SPAG16: variants seen among roughly 807,000 people sequenced by gnomAD.
SPAG16 encodes sperm-associated antigen 16 protein.
A neutral mutation model predicts 80.4 loss-of-function variants in SPAG16; 86 were observed. The observed-to-expected ratio is 1.07, with a 90% confidence interval of 0.90 to 1.28. The LOEUF is 1.28. Among genes scored for constraint, SPAG16 ranks in the 50% most tolerant of loss-of-function variants. The probability of loss-of-function intolerance (pLI) is 0.00; values close to 1 mark genes in which losing one functional copy is unlikely to be tolerated. For missense variants in SPAG16, 870 were observed against 765.3 expected, an observed-to-expected ratio of 1.14 and a Z score of -1.61; for synonymous variants, 294 against 265.9, an observed-to-expected ratio of 1.11 and a Z score of -1.03.
intron 10 of SPAG16, among the ~76,000 whole-genome samples, chr2:213,785,589 T>A (rs2070287336): frequency 6.6e-6 from 1 of 152,216 alleles, no homozygotes; most frequent in Non-Finnish European, 1.5e-5. Flanking sequence ...AACTAGTGAT[T>A]TATAAGGTAT....
At chr2:213,902,393 G>A (rs1049213995) in intron 11 of SPAG16, among the ~76,000 whole-genome samples, 1 of 152,194 alleles carries the variant, frequency 6.6e-6, no homozygotes, top group Non-Finnish European at 1.5e-5. Context: ...GGCTGAGGAG[G>A]CCTCAGAATC....
chr2:213,670,182 G>A (rs2063765303), intron 10 of SPAG16, among the ~76,000 whole-genome samples: 1 of 151,820 alleles, frequency 6.6e-6, no homozygotes, highest in Non-Finnish European at 1.5e-5. Context: ...ATTTTTAGTA[G>A]AGATGGGATT....
chr2:213,288,374 G>A (rs568042068), intron 1 of SPAG16, among the ~76,000 whole-genome samples: 41 of 152,064 alleles, frequency 2.7e-4, no homozygotes, highest in African/African-American at 9.9e-4. Flanking sequence ...GCACGATCTC[G>A]GCTCACTGCA....
chr2:213,705,917 A>G (rs992347276), intron 10 of SPAG16, among the ~76,000 whole-genome samples: 1 of 152,166 alleles, frequency 6.6e-6, no homozygotes, highest in Non-Finnish European at 1.5e-5. Flanking sequence ...CAAATTCCAT[A>G]CGCTTTGGTA....
At chr2:213,651,984 G>T (rs187905978) in intron 10 of SPAG16, among the ~76,000 whole-genome samples, 277 of 152,238 alleles carry the variant, frequency 1.8e-3, no homozygotes, top group Admixed American at 5.8e-3. Flanking sequence ...TTACGTGCAT[G>T]TAATGTACTT....
At chr2:214,076,545 G>GTGTGTGTGTC (rs1553710467) in intron 13 of SPAG16, among the ~76,000 whole-genome samples, 16 of 113,588 alleles carry the variant, frequency 1.4e-4, no homozygotes, top group East Asian at 6.6e-4. Flanking sequence ...GTGTGTGTCT[G>GTGTGTGTGTC]TGTGTGTGTG....
rs548242037 is a variant in SPAG16 at position 213,541,858 on chromosome 2, A to AT, written c.1070+51771dup. On this transcript the variant is annotated intron_variant, in intron 10 of 15. Coordinates refer to ENST00000331683, the MANE Select transcript of SPAG16 (RefSeq NM_024532.5). The stretch of plus-strand genomic sequence containing the variant: ...CAGTTGAGAAATTGTTTTTTCCATA[A>AT]TTTAAGTCCTACCCACTGAGTTCTT... Among the ~76,000 whole-genome samples, 81 of 152,258 alleles carry AT rather than the reference A, an allele frequency of 5.3e-4. 3 individuals are homozygous for AT. In the South Asian group the frequency reaches 0.017, roughly 31 times the overall value.
intron 10 of SPAG16, among the ~76,000 whole-genome samples, chr2:213,687,097 T>C (rs2064717354): frequency 6.6e-6 from 1 of 152,176 alleles, no homozygotes; most frequent in African/African-American, 2.4e-5. Flanking sequence ...ATTGTTACCT[T>C]ATTAGTCATA....
At chr2:214,261,073 C>G (rs1245679129) in intron 15 of SPAG16, among the ~76,000 whole-genome samples, 5 of 119,946 alleles carry the variant, frequency 4.2e-5, no homozygotes, top group African/African-American at 1.6e-4. Flanking sequence ...CGCCACTGCA[C>G]TCCAGCCTGG....
intron 13 of SPAG16, among the ~76,000 whole-genome samples, chr2:214,042,745 C>G (rs1035322263): frequency 2.0e-5 from 3 of 152,156 alleles, no homozygotes; most frequent in Non-Finnish European, 2.9e-5. Context: ...TCTTCTCATT[C>G]TAGTACAGAG....
chr2:214,343,496 A>C (rs1346376803), intron 15 of SPAG16, among the ~76,000 whole-genome samples: 1 of 152,168 alleles, frequency 6.6e-6, no homozygotes, highest in Admixed American at 6.5e-5. Flanking sequence ...CAAAGTATAA[A>C]ATACATGGCA....
intron 10 of SPAG16, among the ~76,000 whole-genome samples, chr2:213,666,000 C>T (rs923611874): frequency 6.6e-6 from 1 of 152,108 alleles, no homozygotes; most frequent in Non-Finnish European, 1.5e-5. Context: ...CAGAGAAGGC[C>T]TTATTGGACC....
chr2:213,804,167 G>A (rs573486781), intron 10 of SPAG16, among the ~76,000 whole-genome samples: 1 of 152,252 alleles, frequency 6.6e-6, no homozygotes, highest in African/African-American at 2.4e-5. Context: ...TGAGGTCTTG[G>A]CCCTCATACA....
chr2:214,247,389 G>C (rs367593229), intron 15 of SPAG16, among the ~76,000 whole-genome samples: 87 of 152,080 alleles, frequency 5.7e-4, no homozygotes, highest in African/African-American at 1.8e-3. Context: ...TGGATATCTA[G>C]AATGTTAGGA....
chr2:214,306,381 T>C (rs1017669448), intron 15 of SPAG16, among the ~76,000 whole-genome samples: 2 of 152,222 alleles, frequency 1.3e-5, no homozygotes, highest in African/African-American at 4.8e-5. Context: ...TTCTCTTCCC[T>C]GACTGCCCTG....
chr2:213,992,275 C>T (rs906547267), intron 12 of SPAG16, among the ~76,000 whole-genome samples: 1 of 151,946 alleles, frequency 6.6e-6, no homozygotes, highest in Non-Finnish European at 1.5e-5. Flanking sequence ...AACTCTTCTC[C>T]GTGACAGTAA....
chr2:213,874,893 T>C, intron 11 of SPAG16, among the ~76,000 whole-genome samples: 1 of 152,142 alleles, frequency 6.6e-6, no homozygotes, highest in Non-Finnish European at 1.5e-5. Flanking sequence ...GGGATGACCA[T>C]ACATCTAGGT....
At chr2:213,666,563 C>T (rs944419301) in intron 10 of SPAG16, among the ~76,000 whole-genome samples, 7 of 152,206 alleles carry the variant, frequency 4.6e-5, no homozygotes, top group African/African-American at 1.7e-4. Context: ...TTTTCATTTA[C>T]TGGACCATTA....
At chr2:214,194,852 G>A (rs1377753386) in intron 15 of SPAG16, among the ~76,000 whole-genome samples, 4 of 151,972 alleles carry the variant, frequency 2.6e-5, no homozygotes, top group African/African-American at 9.7e-5. Flanking sequence ...TTACTACTAC[G>A]ACTGGAATAT....
Sources: gnomAD v4.1 joint callset for allele counts (sites outside exome capture counted in the v4.1 genomes callset) on GRCh38, gnomAD v4.1.1 for gene constraint, MANE v1.5 for transcripts, NCBI Gene and HGNC (gene_info 2026-07-23, HGNC 2026-07-21) for gene names.